TASP1: variants seen among roughly 807,000 people sequenced by gnomAD.
The protein encoded by TASP1 is taspase 1.
Under a neutral mutation model 56.6 loss-of-function variants are expected in TASP1, and 16 were observed. The ratio of observed to expected loss-of-function variants is 0.28; its 90% CI spans 0.19 to 0.43. The LOEUF is 0.43. Among genes scored for constraint, TASP1 ranks in the 20% least tolerant of loss-of-function variants. TASP1 has a pLI of 1.00. For missense variants in TASP1, 393 were observed against 511.6 expected (o/e 0.77, Z 2.24); for synonymous variants, 179 against 184.2 (o/e 0.97, Z 0.23).
intron 7 of TASP1, among the ~76,000 whole-genome samples, chr20:13,567,977 G>C (rs1235177748): frequency 2.0e-5 from 3 of 152,162 alleles, no homozygotes. Flanking sequence ...TTGTTTGCCT[G>C]ATATAAGGAC....
At chr20:13,247,468 C>T in the TASP1 span, among the ~76,000 whole-genome samples, 1 of 151,702 alleles carries the variant, frequency 6.6e-6, no homozygotes, top group Non-Finnish European at 1.5e-5. Flanking sequence ...AGGACACCTT[C>T]GCCGGATGCT....
At chr20:13,336,705 T>C in the TASP1 span, among the ~76,000 whole-genome samples, 3 of 152,258 alleles carry the variant, frequency 2.0e-5, no homozygotes, top group African/African-American at 7.2e-5. Context: ...CTACAAATTA[T>C]GTACCCAGCC....
the TASP1 span, among the ~76,000 whole-genome samples, chr20:13,269,926 T>G: frequency 6.7e-6 from 1 of 149,740 alleles, no homozygotes; most frequent in Non-Finnish European, 1.5e-5. Context: ...GATGGGTGTG[T>G]GGGTGGAAGG....
chr20:13,410,621 T>C (rs2042064356), intron 13 of TASP1, among the ~76,000 whole-genome samples: 1 of 152,248 alleles, frequency 6.6e-6, no homozygotes, highest in African/African-American at 2.4e-5. Context: ...GCCATTTGTA[T>C]GTCTTCTTTT....
At chr20:13,489,849 T>G (rs1473559050) in intron 10 of TASP1, among the ~76,000 whole-genome samples, 1 of 152,204 alleles carries the variant, frequency 6.6e-6, no homozygotes, top group African/African-American at 2.4e-5. Flanking sequence ...CAGCACCATC[T>G]AGCTCCAGAA....
chr20:13,566,417 G>C (rs975254376), intron 7 of TASP1, among the ~76,000 whole-genome samples: 2 of 151,574 alleles, frequency 1.3e-5, no homozygotes, highest in African/African-American at 4.9e-5. Flanking sequence ...CCAAAAATTG[G>C]AAACAACCCA....
chr20:13,434,091 G>A (rs2042920508), intron 12 of TASP1, among the ~76,000 whole-genome samples: 1 of 151,918 alleles, frequency 6.6e-6, no homozygotes, highest in African/African-American at 2.4e-5. Flanking sequence ...CTTTGGAGGG[G>A]ATAAAGACCA....
intron 11 of TASP1, among the ~76,000 whole-genome samples, chr20:13,454,062 GAA>G (rs75730286): frequency 1.4e-5 from 2 of 138,300 alleles, no homozygotes; most frequent in Non-Finnish European, 3.2e-5. Flanking sequence ...AATTGAGGGG[GAA>G]AAAAAAAAAA....
the TASP1 span, among the ~76,000 whole-genome samples, chr20:13,307,724 T>C: frequency 0.79 from 119,934 of 152,216 alleles, 47,492 homozygotes; most frequent in East Asian, 0.87. Flanking sequence ...TTTTGCTCAA[T>C]ATTGGATTGT....
At chr20:13,293,222 A>AG in the TASP1 span, among the ~76,000 whole-genome samples, 1 of 152,064 alleles carries the variant, frequency 6.6e-6, no homozygotes, top group Non-Finnish European at 1.5e-5. Context: ...AAAAAAAAAA[A>AG]AAAGAATTCT....
intron 10 of TASP1, among the ~76,000 whole-genome samples, chr20:13,523,646 T>A (rs940002594): frequency 6.6e-6 from 1 of 152,152 alleles, no homozygotes; most frequent in African/African-American, 2.4e-5. Context: ...GGTATTTTTT[T>A]AATCCCATCT....
chr20:13,375,330 G>T, the TASP1 span, among the ~76,000 whole-genome samples: 1 of 150,986 alleles, frequency 6.6e-6, no homozygotes, highest in African/African-American at 2.4e-5. Context: ...GAGAAAATGC[G>T]GTGTTTGGTT....
chr20:13,587,228 G>A (rs752775147), intron 5 of TASP1, 22 bp downstream of exon 5: 139 of 1,593,064 alleles, frequency 8.7e-5, no homozygotes, highest in Non-Finnish European at 1.2e-4. Context: ...TCCAAAGATA[G>A]TAGGTCATAA....
chr20:13,387,280 G>A (rs1020693624), downstream of TASP1, among the ~76,000 whole-genome samples: 22 of 128,858 alleles, frequency 1.7e-4, no homozygotes, highest in African/African-American at 5.9e-4. Context: ...TGCAACCTCC[G>A]CCTCCCTGGT....
chr20:13,151,239 T>C, the TASP1 span, among the ~76,000 whole-genome samples: 1 of 152,238 alleles, frequency 6.6e-6, no homozygotes, highest in Non-Finnish European at 1.5e-5. Flanking sequence ...TAAAGTTTAC[T>C]ACCATCCTCT....
chr20:13,575,939 C>T (rs1160432505), intron 6 of TASP1, among the ~76,000 whole-genome samples: 16 of 152,140 alleles, frequency 1.1e-4, no homozygotes, highest in Admixed American at 2.6e-4. Flanking sequence ...TAGCTGGGCA[C>T]GGTGGCTCAC....
the TASP1 span, among the ~76,000 whole-genome samples, chr20:13,252,708 C>A: frequency 6.6e-6 from 1 of 151,962 alleles, no homozygotes; most frequent in Non-Finnish European, 1.5e-5. Flanking sequence ...TGGGCCAAGA[C>A]TGCACCACTT....
At chr20:13,127,446 A>G in the TASP1 span, among the ~76,000 whole-genome samples, 1 of 152,134 alleles carries the variant, frequency 6.6e-6, no homozygotes, top group Non-Finnish European at 1.5e-5. Context: ...TGGACTGTAC[A>G]ATCTATGTGC....
the TASP1 span, among the ~76,000 whole-genome samples, chr20:13,217,254 A>C: frequency 3.3e-5 from 5 of 152,242 alleles, no homozygotes; most frequent in African/African-American, 1.2e-4. Flanking sequence ...CTGAGAATGC[A>C]GGTAAGACAA....
Sources: allele counts gnomAD v4.1 joint callset (sites outside exome capture counted in the v4.1 genomes callset), GRCh38; gene constraint gnomAD v4.1.1; transcripts MANE v1.5; gene names NCBI Gene and HGNC (gene_info 2026-07-23, HGNC 2026-07-21).